HEG1: variants seen among roughly 807,000 people sequenced by gnomAD.
The protein encoded by HEG1 is heart development protein with EGF like domains 1.
A neutral mutation model predicts 125.6 loss-of-function variants in HEG1; 56 were observed. That is an observed-to-expected ratio of 0.45 (90% CI 0.36 to 0.56). The LOEUF (loss-of-function observed/expected upper bound fraction) is 0.56. Ranked by LOEUF, HEG1 falls within the 20% of genes least tolerant of loss-of-function variation. HEG1 has a pLI of 0.00. For missense variants in HEG1, 1,523 were observed against 1,670.0 expected (o/e 0.91, Z 1.53); for synonymous variants, 644 against 668.5 (o/e 0.96, Z 0.57).
rs750365942 is a variant in HEG1 at position 125,001,844 on chromosome 3, C to A, written c.3517+8G>T. On this transcript the variant is annotated splice_region_variant and intron_variant, in intron 11 of 16. Coordinates refer to ENST00000311127, the MANE Select transcript of HEG1 (RefSeq NM_020733.2). The stretch of plus-strand genomic sequence containing the variant: ...GGGTAGGATCCTCCCAGAGGGCTGC[C>A]CTCTTACCTCTAAAGATCCGCCTCT... 2.5e-6 allele frequency: 4 copies of A among 1,611,046 alleles called. No individual in the cohort carries two copies. The Admixed American group carries it at 6.7e-5, about 27-fold the overall frequency.
In HEG1 at chr3:125,034,797, CA is replaced by C. The variant is rs200318062; in HGVS notation, c.317-5310del. Among the ~76,000 whole-genome samples, 13 of 147,794 alleles carry C rather than the reference CA, an allele frequency of 8.8e-5. No individual in the cohort carries two copies. The East Asian group carries it at 2.6e-3, about 29-fold the overall frequency. On this transcript the variant is annotated intron_variant, in intron 1 of 16. Transcript: ENST00000311127. ...CTTGGACAACAGAGTGAGACCATCT[CA>C]AAAGAAAAAAAAATGAATTAGAAAA...
In HEG1 at chr3:125,007,712, A is replaced by G. The variant is rs1246472631; in HGVS notation, c.3193+1993T>C. Among the ~76,000 whole-genome samples, 4 of 152,332 alleles carry G rather than the reference A, an allele frequency of 2.6e-5. No individual in the cohort carries two copies. In the East Asian group the frequency reaches 7.7e-4, roughly 29 times the overall value. ...TTACAGATGAGGAAATATAGGGCTC[A>G]GAAGCCATGTGCTATAGGTGGTGGC... On this transcript the variant is annotated intron_variant, in intron 8 of 16. Coordinates refer to ENST00000311127, the MANE Select transcript of HEG1 (RefSeq NM_020733.2).
At position 125,012,606 on chromosome 3, in the gene HEG1, G is replaced by A; in HGVS notation, c.2956+17C>T. 1 of 1,605,090 alleles carries A rather than the reference G, an allele frequency of 6.2e-7. No homozygotes were observed. Among genetic ancestry groups the A allele is most frequent in the Non-Finnish European group, 8.5e-7 (1 of 1,175,206 alleles). ...TGGGCCTTGCAGTTAACATGTGCTT[G>A]TGTGACTGTGTTTTACCTGAGGCTG... On this transcript the variant is annotated intron_variant, in intron 6 of 16. Coordinates refer to ENST00000311127, the MANE Select transcript of HEG1 (RefSeq NM_020733.2).
At chr3:125,050,942 T>C (rs116044187) in intron 1 of HEG1, among the ~76,000 whole-genome samples, 1,792 of 152,308 alleles carry the variant, frequency 0.012, 41 homozygotes, top group African/African-American at 0.04. Context: ...TGAAAGCAAT[T>C]TGACAGCATC....
chr3:124,985,816 C>T (rs539138571), intron 14 of HEG1, among the ~76,000 whole-genome samples: 9 of 152,306 alleles, frequency 5.9e-5, no homozygotes, highest in African/African-American at 2.2e-4. Context: ...CTTGCTCTGT[C>T]GCCCAGGCTG....
chr3:125,025,528 G>A (rs1484207729), intron 3 of HEG1, among the ~76,000 whole-genome samples: 1 of 152,118 alleles, frequency 6.6e-6, no homozygotes, highest in Non-Finnish European at 1.5e-5. Flanking sequence ...AAGAATTTCA[G>A]GGACAATTAA....
At position 125,029,513 on chromosome 3, in the gene HEG1, G is replaced by A. The variant is rs773186968; in HGVS notation, c.317-25C>T. ...TCTGAAAGAAGAAGAGGATGCATCA[G>A]GGAGAGTTTGCTGGCTTCTGACAAG... is the stretch of plus-strand genomic sequence containing the variant. On this transcript the variant is annotated intron_variant, in intron 1 of 16. Transcript: ENST00000311127. 9.5e-6 allele frequency: 15 copies of A among 1,577,876 alleles called. No individual in the cohort carries two copies. The South Asian group carries it at 1.7e-4, about 18-fold the overall frequency.
intron 11 of HEG1, among the ~76,000 whole-genome samples, chr3:125,000,119 C>G (rs946267866): frequency 1.3e-5 from 2 of 152,168 alleles, no homozygotes; most frequent in East Asian, 3.9e-4. Context: ...AACAGGGAAA[C>G]AAGCCTGTTT....
At chr3:125,002,187 A>G (rs2107696322) in intron 10 of HEG1, 70 bp downstream of exon 10, 2 of 1,530,316 alleles carry the variant, frequency 1.3e-6, no homozygotes, top group Non-Finnish European at 1.8e-6. Context: ...TTTTGTTGCT[A>G]TCACCCATGT....
chr3:125,022,458 C>T (rs1260826376), intron 3 of HEG1, among the ~76,000 whole-genome samples: 1 of 151,732 alleles, frequency 6.6e-6, no homozygotes, highest in East Asian at 1.9e-4. Flanking sequence ...TCCTCTCATT[C>T]TTGTGCAAAA....
intron 12 of HEG1, among the ~76,000 whole-genome samples, chr3:124,993,765 A>G (rs897926304): frequency 1.3e-5 from 2 of 151,366 alleles, no homozygotes; most frequent in Non-Finnish European, 2.9e-5. Context: ...GAAGTGCTCC[A>G]CTCCATGGCT....
intron 16 of HEG1, 132 bp downstream of exon 16, chr3:124,973,599 T>C: frequency 1.6e-6 from 1 of 635,372 alleles, no homozygotes. Context: ...AACTGACTAG[T>C]AAATCAGAGG....
rs1226953482 is a variant in HEG1 at position 125,009,837 on chromosome 3, A to T, written c.3074-13T>A. ...CACTCATTCACATCTGTAGAGGAGAAAAAAGAAGAACATCTTGCATCTGTA... is the reference window on the plus strand; with the variant it reads ...CACTCATTCACATCTGTAGAGGAGATAAAAGAAGAACATCTTGCATCTGTA... On this transcript the variant is annotated splice_polypyrimidine_tract_variant and intron_variant, in intron 7 of 16. Transcript: ENST00000311127. 1.2e-6 allele frequency: 2 copies of T among 1,605,226 alleles called. No individual in the cohort carries two copies. The highest frequency in any genetic ancestry group is 1.7e-6 in the Non-Finnish European group (2 of 1,174,344).
At chr3:124,979,131 T>C (rs934864902) in intron 14 of HEG1, among the ~76,000 whole-genome samples, 3 of 151,952 alleles carry the variant, frequency 2.0e-5, no homozygotes, top group African/African-American at 7.3e-5. Flanking sequence ...TTTGTGTTTT[T>C]AGTAGAGACG....
At chr3:125,007,185 C>T (rs1366160457) in intron 8 of HEG1, among the ~76,000 whole-genome samples, 1 of 124,878 alleles carries the variant, frequency 8.0e-6, no homozygotes, top group Non-Finnish European at 1.6e-5. Flanking sequence ...GGCGACAGAG[C>T]GAGACTCCGT....
chr3:124,972,978 C>T (rs1936471332), intron 16 of HEG1, among the ~76,000 whole-genome samples: 1 of 151,620 alleles, frequency 6.6e-6, no homozygotes, highest in African/African-American at 2.4e-5. Context: ...TTTCCCCATC[C>T]CCTAGTTGGT....
intron 6 of HEG1, 109 bp from the exon 7 acceptor site, chr3:125,010,664 G>GT: frequency 1.3e-6 from 1 of 757,102 alleles, no homozygotes; most frequent in South Asian, 2.0e-5. Context: ...GCTTATTTCT[G>GT]TTTACTTGCC....
rs116326779 is a variant in HEG1 at position 125,041,742 on chromosome 3, C to T, written c.317-12254G>A. Among the ~76,000 whole-genome samples, 506 of 152,274 alleles carry T rather than the reference C, an allele frequency of 3.3e-3. 2 individuals are homozygous for T. Among genetic ancestry groups the T allele is most frequent in the African/African-American group, 0.011 (470 of 41,542 alleles). ...AAGGATAAACAAAATGTGGTATATA[C>T]GTACAATGGGATATTATTCAGCCTT... On this transcript the variant is annotated intron_variant, in intron 1 of 16. Transcript: ENST00000311127.
intron 2 of HEG1, among the ~76,000 whole-genome samples, chr3:125,027,941 A>C (rs546017287): frequency 6.6e-6 from 1 of 152,364 alleles, no homozygotes; most frequent in Non-Finnish European, 1.5e-5. Context: ...ATGAATACAA[A>C]AGACTTTCAT....
Sources: gnomAD v4.1 joint callset for allele counts (sites outside exome capture counted in the v4.1 genomes callset) on GRCh38, gnomAD v4.1.1 for gene constraint, MANE v1.5 for transcripts, NCBI Gene and HGNC (gene_info 2026-07-23, HGNC 2026-07-21) for gene names.